The following SEZ6L variants were observed in gnomAD, a reference collection of about 807,000 sequenced individuals.
SEZ6L encodes the protein seizure 6-like protein.
In SEZ6L, 37 loss-of-function variants were observed where a neutral mutation model predicts 106.2. That is an observed-to-expected ratio of 0.35 (90% confidence interval 0.27 to 0.46). The LOEUF (loss-of-function observed/expected upper bound fraction) is 0.46, where lower values mean the gene tolerates loss of function less well. Ranked by LOEUF, SEZ6L falls within the 20% of genes least tolerant of loss-of-function variation. SEZ6L has a pLI of 1.00. For synonymous variants in SEZ6L, 541 were observed against 570.4 expected, an observed-to-expected ratio of 0.95 and a Z score of 0.73; for missense variants, 1,172 against 1,332.8, an observed-to-expected ratio of 0.88 and a Z score of 1.88.
intron 1 of SEZ6L, among the ~76,000 whole-genome samples, chr22:26,192,964 CGG>C (rs1940334766): frequency 6.6e-6 from 1 of 152,126 alleles, no homozygotes; most frequent in African/African-American, 2.4e-5. Flanking sequence ...TGGGCAGATG[CGG>C]GGTGAAGATA....
chr22:26,237,267 A>C (rs1035056902), intron 1 of SEZ6L, among the ~76,000 whole-genome samples: 10 of 152,238 alleles, frequency 6.6e-5, no homozygotes, highest in African/African-American at 2.2e-4. Flanking sequence ...CACGTTAGCC[A>C]CTGCTTCATT....
intron 1 of SEZ6L, among the ~76,000 whole-genome samples, chr22:26,235,706 G>T (rs980497154): frequency 6.6e-6 from 1 of 152,158 alleles, no homozygotes; most frequent in Non-Finnish European, 1.5e-5. Context: ...AGGCTTAGGG[G>T]CTTGAATTAA....
At chr22:26,209,122 T>C (rs1941465187) in intron 1 of SEZ6L, among the ~76,000 whole-genome samples, 1 of 152,210 alleles carries the variant, frequency 6.6e-6, no homozygotes, top group Non-Finnish European at 1.5e-5. Context: ...TTACTGATAC[T>C]TTCTATCTTT....
intron 1 of SEZ6L, among the ~76,000 whole-genome samples, chr22:26,232,579 A>G (rs1380772017): frequency 6.6e-6 from 1 of 152,188 alleles, no homozygotes; most frequent in Admixed American, 6.5e-5. Flanking sequence ...CACCTTTTTC[A>G]TGATCCGATA....
At chr22:26,257,267 A>G (rs2079853360) in intron 1 of SEZ6L, among the ~76,000 whole-genome samples, 3 of 152,238 alleles carry the variant, frequency 2.0e-5, no homozygotes, top group Admixed American at 1.3e-4. Context: ...GTCCTTGAAG[A>G]GAAGCACCCA....
chr22:26,249,027 CTT>C lies in SEZ6L; in HGVS notation c.95-43374_95-43373del, dbSNP rs1398937373. ...TCTTCTGGTTGCACTAAAACTTTCTCTTTTTTAAGTATTTTTTAATTGACATA... is the reference window on the plus strand; with the variant it reads ...TCTTCTGGTTGCACTAAAACTTTCTCTTTTAAGTATTTTTTAATTGACATA... On this transcript the variant is annotated intron_variant, in intron 1 of 16. Coordinates refer to ENST00000248933, the MANE Select transcript of SEZ6L (RefSeq NM_021115.5). Among the ~76,000 whole-genome samples the C allele has an allele frequency of 3.3e-5, 5 of 152,228 alleles. No homozygotes were observed. The South Asian group carries it at 1.0e-3, about 32-fold the overall frequency.
intron 3 of SEZ6L, among the ~76,000 whole-genome samples, chr22:26,294,789 T>G (rs2081245130): frequency 6.6e-6 from 1 of 152,046 alleles, no homozygotes; most frequent in Non-Finnish European, 1.5e-5. Flanking sequence ...TGATTCTTTC[T>G]TGCTTGCTTG....
chr22:26,313,659 A>G, intron 8 of SEZ6L, 105 bp from the exon 9 acceptor site: 1 of 1,361,886 alleles, frequency 7.3e-7, no homozygotes, highest in Non-Finnish European at 1.0e-6. Context: ...CACAGTACAC[A>G]GAGATTCACG....
chr22:26,371,802 A>G (rs2084046594), intron 13 of SEZ6L, among the ~76,000 whole-genome samples: 1 of 152,140 alleles, frequency 6.6e-6, no homozygotes, highest in African/African-American at 2.4e-5. Context: ...CACAACTGTG[A>G]TGGAATTGCT....
At chr22:26,302,078 G>A (rs531660082) in intron 5 of SEZ6L, among the ~76,000 whole-genome samples, 1 of 152,204 alleles carries the variant, frequency 6.6e-6, no homozygotes, top group African/African-American at 2.4e-5. Context: ...AGGGAGATAA[G>A]ATTACCACTT....
intron 1 of SEZ6L, among the ~76,000 whole-genome samples, chr22:26,185,177 G>T (rs543336678): frequency 1.5e-4 from 23 of 152,338 alleles, no homozygotes; most frequent in African/African-American, 5.3e-4. Context: ...GTATGTGAAG[G>T]GGTTAAAAAG....
chr22:26,214,043 C>T (rs1602053822), intron 1 of SEZ6L, among the ~76,000 whole-genome samples: 2 of 152,262 alleles, frequency 1.3e-5, no homozygotes, highest in Non-Finnish European at 2.9e-5. Flanking sequence ...TCTGTCCACA[C>T]ATTGCTTAAT....
chr22:26,256,602 G>T (rs1289531983), intron 1 of SEZ6L, among the ~76,000 whole-genome samples: 8 of 152,348 alleles, frequency 5.3e-5, no homozygotes, highest in East Asian at 3.9e-4. Context: ...CATAAGGATT[G>T]TTGAAAGCTC....
chr22:26,213,350 C>G (rs1458066805), intron 1 of SEZ6L, among the ~76,000 whole-genome samples: 5 of 152,210 alleles, frequency 3.3e-5, no homozygotes, highest in African/African-American at 9.7e-5. Context: ...GGACATGAAC[C>G]CTTACCATGC....
chr22:26,298,841 C>A, intron 4 of SEZ6L, 143 bp from the exon 5 acceptor site: 1 of 683,526 alleles, frequency 1.5e-6, no homozygotes, highest in Non-Finnish European at 2.2e-6. Flanking sequence ...AAGAGAGTCA[C>A]AAAAATACCA....
At chr22:26,370,105 C>G (rs1023973240) in intron 13 of SEZ6L, among the ~76,000 whole-genome samples, 1 of 151,698 alleles carries the variant, frequency 6.6e-6, no homozygotes, top group African/African-American at 2.4e-5. Flanking sequence ...AAACCTTGGC[C>G]GGCGCGGTGG....
chr22:26,331,978 G>A (rs2082494052), intron 9 of SEZ6L, among the ~76,000 whole-genome samples: 1 of 151,698 alleles, frequency 6.6e-6, no homozygotes, highest in Non-Finnish European at 1.5e-5. Context: ...GAGCAAGACT[G>A]TGTCTCAAAA....
chr22:26,195,120 G>T (rs1401988099), intron 1 of SEZ6L, among the ~76,000 whole-genome samples: 1 of 152,210 alleles, frequency 6.6e-6, no homozygotes, highest in Non-Finnish European at 1.5e-5. Flanking sequence ...TGCTCTGGTT[G>T]TTCAGATAAC....
At chr22:26,285,737 T>G (rs2080915129) in intron 1 of SEZ6L, among the ~76,000 whole-genome samples, 1 of 152,220 alleles carries the variant, frequency 6.6e-6, no homozygotes, top group Non-Finnish European at 1.5e-5. Flanking sequence ...GGCATAAAAG[T>G]AACTGGCAGT....
Sources: allele counts gnomAD v4.1 joint callset (sites outside exome capture counted in the v4.1 genomes callset), GRCh38; gene constraint gnomAD v4.1.1; transcripts MANE v1.5; gene names NCBI Gene and HGNC (gene_info 2026-07-23, HGNC 2026-07-21).